TANGO6: variants seen among roughly 807,000 people sequenced by gnomAD.
TANGO6 encodes the protein transport and Golgi organization protein 6 homolog.
TANGO6 carries 90 observed loss-of-function variants against 114.2 expected under a neutral mutation model. The ratio of observed to expected loss-of-function variants is 0.79; its 90% CI spans 0.66 to 0.94. TANGO6 has a LOEUF of 0.94. Ranked by LOEUF, TANGO6 falls within the 40% of genes least tolerant of loss-of-function variation. The pLI is 0.00. For missense variants in TANGO6, 1,274 were observed against 1,315.3 expected (o/e 0.97, Z 0.49); for synonymous variants, 477 against 509.8 (o/e 0.94, Z 0.87).
intron 11 of TANGO6, among the ~76,000 whole-genome samples, chr16:68,914,663 A>G (rs1291813976): frequency 1.3e-5 from 2 of 152,316 alleles, no homozygotes; most frequent in East Asian, 3.9e-4. Flanking sequence ...CCCACTGTCC[A>G]CAACATATAT....
chr16:68,953,049 T>TC, intron 14 of TANGO6, among the ~76,000 whole-genome samples: 1 of 111,106 alleles, frequency 9.0e-6, no homozygotes, highest in Non-Finnish European at 1.8e-5. Context: ...AACAGGTATT[T>TC]TTTATTATTA....
At chr16:68,897,503 T>G (rs1962721279) in intron 7 of TANGO6, among the ~76,000 whole-genome samples, 1 of 152,138 alleles carries the variant, frequency 6.6e-6, no homozygotes, top group Admixed American at 6.6e-5. Flanking sequence ...TTCCTAAATT[T>G]TAGGCACAAG....
chr16:68,982,464 G>A (rs1014639389), intron 15 of TANGO6, among the ~76,000 whole-genome samples: 2 of 151,808 alleles, frequency 1.3e-5, no homozygotes, highest in African/African-American at 4.8e-5. Context: ...TGAGTAGCTG[G>A]GATTACAGGT....
At chr16:68,879,457 C>T (rs1962422931) in intron 6 of TANGO6, among the ~76,000 whole-genome samples, 1 of 151,988 alleles carries the variant, frequency 6.6e-6, no homozygotes, top group East Asian at 1.9e-4. Context: ...ACTCCAGAGC[C>T]TGGGTTACAG....
intron 15 of TANGO6, among the ~76,000 whole-genome samples, chr16:68,988,192 C>G (rs1397521891): frequency 6.6e-6 from 1 of 152,176 alleles, no homozygotes; most frequent in Admixed American, 6.5e-5. Flanking sequence ...ATGGGTCTTT[C>G]ATCCCCAACA....
intron 14 of TANGO6, among the ~76,000 whole-genome samples, chr16:68,966,351 A>G (rs1371169512): frequency 6.6e-6 from 1 of 152,038 alleles, no homozygotes; most frequent in Non-Finnish European, 1.5e-5. Context: ...TAAAATACAA[A>G]AAATTAGCCG....
At position 68,848,957 on chromosome 16, in the gene TANGO6, T is replaced by A. The variant is rs781297091; in HGVS notation, c.94+5246T>A. Among the ~76,000 whole-genome samples, 79 of 152,238 alleles carry A rather than the reference T, an allele frequency of 5.2e-4. 2 individuals are homozygous for A. The highest frequency in any genetic ancestry group is 2.9e-4 in the Non-Finnish European group (20 of 68,020). ...GATATCCCAGGCTCATCTGAGGTAT[T>A]TCCTGCCCCATTTTTGAAAACAACT... On this transcript the variant is annotated intron_variant, in intron 1 of 17. Coordinates refer to ENST00000261778, the MANE Select transcript of TANGO6 (RefSeq NM_024562.2).
At chr16:68,950,300 T>C (rs554608452) in intron 14 of TANGO6, among the ~76,000 whole-genome samples, 3 of 152,332 alleles carry the variant, frequency 2.0e-5, no homozygotes, top group African/African-American at 2.4e-5. Flanking sequence ...ACGTGGTGGC[T>C]CATGCCTGTA....
intron 17 of TANGO6, among the ~76,000 whole-genome samples, chr16:69,053,871 C>G (rs1454706499): frequency 6.6e-6 from 1 of 152,056 alleles, no homozygotes; most frequent in Non-Finnish European, 1.5e-5. Flanking sequence ...CCAGACCAGC[C>G]TAGCCAACAT....
At chr16:69,059,581 A>G (rs1202724897) in intron 17 of TANGO6, among the ~76,000 whole-genome samples, 1 of 151,020 alleles carries the variant, frequency 6.6e-6, no homozygotes, top group African/African-American at 2.4e-5. Context: ...GTGTAATGGC[A>G]TAATCTCTGC....
At chr16:68,963,186 A>C (rs1050787718) in intron 14 of TANGO6, among the ~76,000 whole-genome samples, 1 of 151,592 alleles carries the variant, frequency 6.6e-6, no homozygotes, top group African/African-American at 2.4e-5. Context: ...CAGTGATGCA[A>C]TCTCAGCTCA....
At chr16:69,040,628 C>G (rs1324138173) in intron 17 of TANGO6, among the ~76,000 whole-genome samples, 1 of 152,058 alleles carries the variant, frequency 6.6e-6, no homozygotes, top group African/African-American at 2.4e-5. Flanking sequence ...ATTGGCCAAA[C>G]TATATACTAA....
chr16:68,908,826 G>A (rs927913307), intron 10 of TANGO6, among the ~76,000 whole-genome samples: 3 of 152,166 alleles, frequency 2.0e-5, no homozygotes, highest in Non-Finnish European at 4.4e-5. Flanking sequence ...TACCCACAAA[G>A]CAGAAAGCTT....
intron 17 of TANGO6, among the ~76,000 whole-genome samples, chr16:69,049,347 G>A (rs772855982): frequency 1.3e-5 from 2 of 151,840 alleles, no homozygotes; most frequent in Non-Finnish European, 2.9e-5. Flanking sequence ...TACAATATGT[G>A]GCCTTCTGTG....
At chr16:69,070,301 G>A (rs989022921) in intron 17 of TANGO6, among the ~76,000 whole-genome samples, 1 of 151,816 alleles carries the variant, frequency 6.6e-6, no homozygotes, top group Non-Finnish European at 1.5e-5. Flanking sequence ...GGAGGAACAC[G>A]TCCACCCTAG....
chr16:69,065,525 C>T (rs1299191923), intron 17 of TANGO6, among the ~76,000 whole-genome samples: 1 of 152,218 alleles, frequency 6.6e-6, no homozygotes, highest in African/African-American at 2.4e-5. Flanking sequence ...TCCACCCCAT[C>T]TCCAATTTGC....
At chr16:68,927,492 A>G (rs771566740) in intron 12 of TANGO6, 76 bp from the exon 13 acceptor site, 9 of 1,500,224 alleles carry the variant, frequency 6.0e-6, no homozygotes, top group South Asian at 2.6e-5. Context: ...TTCTCAGAAT[A>G]TGTTTCCTGG....
Position 68,886,366 on chromosome 16 carries a change from C to T in TANGO6, c.1377+5736C>T, listed in dbSNP as rs575685775. 4.0e-5 allele frequency among the ~76,000 whole-genome samples: 6 copies of T among 149,974 alleles called. No homozygotes were observed. In the South Asian group the frequency reaches 6.4e-4, roughly 16 times the overall value. On this transcript the variant is annotated intron_variant, in intron 7 of 17. Transcript: ENST00000261778. ...CCATGTAGCTCGGATTACAGGCATG[C>T]ACCACCACACCTGGCTAATTTTTTG...
At position 68,975,045 on chromosome 16, in the gene TANGO6, G is replaced by A. The variant is rs145717657; in HGVS notation, c.2842+877G>A. Among the ~76,000 whole-genome samples the A allele has an allele frequency of 3.9e-3, 600 of 152,178 alleles. 3 individuals carry two copies. Among genetic ancestry groups the A allele is most frequent in the Non-Finnish European group, 6.1e-3 (413 of 68,004 alleles). On this transcript the variant is annotated intron_variant, in intron 15 of 17. Transcript: ENST00000261778. ...TGCACTCCAGCCTGGGCAATAGAGC[G>A]AGACTCAGAAATAAAGAATAGGAAT...
Sources: allele counts gnomAD v4.1 joint callset (sites outside exome capture counted in the v4.1 genomes callset), GRCh38; gene constraint gnomAD v4.1.1; transcripts MANE v1.5; gene names NCBI Gene and HGNC (gene_info 2026-07-23, HGNC 2026-07-21).